The following DHX57 variants were observed in gnomAD, a reference collection of about 807,000 sequenced individuals.
DHX57 encodes DExH-box helicase 57, also known as putative ATP-dependent RNA helicase DHX57.
DHX57 carries 105 observed loss-of-function variants against 156.2 expected under a neutral mutation model. That is an observed-to-expected ratio of 0.67 (90% confidence interval 0.57 to 0.79). The LOEUF (loss-of-function observed/expected upper bound fraction) is 0.79. Among genes scored for constraint, DHX57 ranks in the 30% least tolerant of loss-of-function variants. The pLI is 0.00. For synonymous variants in DHX57, 704 were observed against 595.6 expected (o/e 1.18, Z -2.65); for missense variants, 1,847 against 1,661.9 (o/e 1.11, Z -1.94).
At position 38,862,179 on chromosome 2, in the gene DHX57, TA is replaced by T; in HGVS notation, c.537del (p.Phe179LeufsTer25). The T allele has an allele frequency of 6.2e-7, 1 of 1,610,732 alleles. No homozygotes were observed. Among genetic ancestry groups the T allele is most frequent in the Non-Finnish European group, 8.5e-7 (1 of 1,178,478 alleles). ...LASVEPYVPE[F>X]TVSPFAVQKL... ...TTTTGCACTGCAAATGGGGAGACTG[TA>T]AATTCTGGAACATAAGGCTCCACTG... On this transcript the variant is annotated frameshift_variant, in exon 4 of 24. Transcript: ENST00000457308. LOFTEE classifies it high-confidence loss of function.
intron 22 of DHX57, among the ~76,000 whole-genome samples, chr2:38,803,855 C>A (rs920810009): frequency 6.6e-6 from 1 of 151,306 alleles, no homozygotes; most frequent in Admixed American, 6.6e-5. Context: ...GATCTTGGCT[C>A]ACTGCAACCT....
At chr2:38,822,526 T>C (rs1670876966) in intron 17 of DHX57, among the ~76,000 whole-genome samples, 1 of 152,014 alleles carries the variant, frequency 6.6e-6, no homozygotes, top group South Asian at 2.1e-4. Context: ...CCCAAGTAGT[T>C]GGGACTACAT....
At chr2:38,803,970 T>G (rs1248128411) in intron 22 of DHX57, among the ~76,000 whole-genome samples, 1 of 151,310 alleles carries the variant, frequency 6.6e-6, no homozygotes, top group Non-Finnish European at 1.5e-5. Flanking sequence ...TTAGTAGAGA[T>G]GGGGTTTCAC....
chr2:38,863,883 C>G (rs947502721), intron 2 of DHX57, among the ~76,000 whole-genome samples: 1 of 151,902 alleles, frequency 6.6e-6, no homozygotes, highest in Non-Finnish European at 1.5e-5. Flanking sequence ...CGTGGCAGTG[C>G]GCTCCTGTAA....
intron 5 of DHX57, among the ~76,000 whole-genome samples, chr2:38,859,970 G>T (rs1572703234): frequency 6.6e-6 from 1 of 152,014 alleles, no homozygotes; most frequent in South Asian, 2.1e-4. Context: ...CACAACCATG[G>T]CTGACTAGCT....
chr2:38,833,204 G>C (rs1039001928), intron 13 of DHX57, among the ~76,000 whole-genome samples: 1 of 151,750 alleles, frequency 6.6e-6, no homozygotes, highest in Non-Finnish European at 1.5e-5. Flanking sequence ...GTGCGGTGGC[G>C]CGATCTTGGC....
chr2:38,859,349 G>C (rs1367409119), intron 5 of DHX57, among the ~76,000 whole-genome samples: 1 of 152,154 alleles, frequency 6.6e-6, no homozygotes, highest in East Asian at 1.9e-4. Context: ...ATAGACAGCA[G>C]ATTTGTGGTT....
rs933859951 is a variant in DHX57 at position 38,828,446 on chromosome 2, T to C, written c.2543-10A>G. On this transcript the variant is annotated splice_polypyrimidine_tract_variant and intron_variant, in intron 13 of 23. Transcript: ENST00000457308. ...AATACAAGTATAGCACCTGGGTATA[T>C]AAAAAGAATCAATATGTGGGTAAGC... 2.5e-6 allele frequency: 4 copies of C among 1,592,994 alleles called. No homozygotes were observed. The highest frequency in any genetic ancestry group is 3.4e-6 in the Non-Finnish European group (4 of 1,169,156).
intron 14 of DHX57, among the ~76,000 whole-genome samples, chr2:38,827,795 C>T (rs904354326): frequency 5.9e-5 from 9 of 151,968 alleles, no homozygotes; most frequent in Admixed American, 3.3e-4. Flanking sequence ...CCCCACCTTC[C>T]CCCACTATCT....
chr2:38,819,370 C>G (rs1423775346), intron 17 of DHX57, among the ~76,000 whole-genome samples: 1 of 152,134 alleles, frequency 6.6e-6, no homozygotes, highest in African/African-American at 2.4e-5. Context: ...GAGACGGAGT[C>G]TCACCATGTT....
In DHX57 at chr2:38,842,984, T is replaced by G; in HGVS notation, c.2425+21A>C. 4 of 1,608,276 alleles carry G rather than the reference T, an allele frequency of 2.5e-6. No homozygotes were observed. In the Middle Eastern group the frequency reaches 6.6e-4, roughly 266 times the overall value. ...AGAAATCTTTGGCATAATTATAATA[T>G]TCCCCCAAGAGGCATGTTACCTTTA... On this transcript the variant is annotated intron_variant, in intron 12 of 23. Transcript: ENST00000457308.
At chr2:38,826,387 G>A (rs1244719705) in intron 15 of DHX57, 129 bp downstream of exon 15, 54 of 1,082,014 alleles carry the variant, frequency 5.0e-5, no homozygotes, top group Non-Finnish European at 6.0e-5. Flanking sequence ...ACACATCCAC[G>A]TACAGTTTTC....
Position 38,848,360 on chromosome 2 carries a change from C to G in DHX57, c.2073G>C (p.Arg691Ser). The G allele has an allele frequency of 6.2e-7, 1 of 1,611,482 alleles. No homozygotes were observed. Among genetic ancestry groups the G allele is most frequent in the African/African-American group, 1.3e-5 (1 of 74,906 alleles). Residue 691 changes from arginine to serine, a missense_variant, in exon 10 of 24, where the codon AGG (arginine) becomes AGC (serine). Coordinates refer to ENST00000457308, the MANE Select transcript of DHX57 (RefSeq NM_198963.3). ...LLVLKDIVSQRPGLQVILMSA... is the reference protein window; with the variant it reads ...LLVLKDIVSQSPGLQVILMSA... ...TCATTAAAATAACTTGAAGACCTGG[C>G]CTCTGCGATACAATGTCCTTCAAAA...
intron 19 of DHX57, among the ~76,000 whole-genome samples, 160 bp downstream of exon 19, chr2:38,818,717 G>A (rs1211124332): frequency 7.2e-5 from 11 of 152,198 alleles, no homozygotes; most frequent in Non-Finnish European, 1.3e-4. Context: ...AAAGCCTGAT[G>A]CCACAGTGCG....
chr2:38,815,682 C>T, intron 19 of DHX57, 27 bp from the exon 20 acceptor site: 1 of 1,613,542 alleles, frequency 6.2e-7, no homozygotes, highest in Non-Finnish European at 8.5e-7. Flanking sequence ...AACCTTTAAG[C>T]AAGGGCATCA....
At position 38,823,783 on chromosome 2, in the gene DHX57, A is replaced by G. The variant is rs1222295408; in HGVS notation, c.3015-514T>C. Among the ~76,000 whole-genome samples the G allele has an allele frequency of 3.9e-5, 6 of 152,140 alleles. No individual in the cohort carries two copies. In the East Asian group the frequency reaches 1.2e-3, roughly 29 times the overall value. ...TCCTAGCACTTTGGGAGGCCGAGGT[A>G]GGTGGATCATTTGAGGTCAGGAGTT... On this transcript the variant is annotated intron_variant, in intron 16 of 23. Coordinates refer to ENST00000457308, the MANE Select transcript of DHX57 (RefSeq NM_198963.3).
chr2:38,803,172 C>G (rs1181742093), intron 22 of DHX57: 2 of 411,990 alleles, frequency 4.9e-6, no homozygotes, highest in Non-Finnish European at 8.9e-6. Context: ...GAGATAGGGT[C>G]TCACCATGTT....
intron 13 of DHX57, among the ~76,000 whole-genome samples, chr2:38,832,212 G>A (rs1289485676): frequency 6.6e-5 from 10 of 152,146 alleles, no homozygotes; most frequent in South Asian, 2.1e-4. Flanking sequence ...AGGCCAACAC[G>A]GGCAGATCAT....
At chr2:38,809,000 A>G (rs143102824) in intron 21 of DHX57, among the ~76,000 whole-genome samples, 2 of 152,236 alleles carry the variant, frequency 1.3e-5, no homozygotes, top group East Asian at 3.9e-4. Flanking sequence ...GCACAGTCAT[A>G]GCTAACTGTG....
Sources: allele counts gnomAD v4.1 joint callset (sites outside exome capture counted in the v4.1 genomes callset), GRCh38; gene constraint gnomAD v4.1.1; transcripts MANE v1.5; gene names NCBI Gene and HGNC (gene_info 2026-07-23, HGNC 2026-07-21).